CEP85L: variants seen among roughly 807,000 people sequenced by gnomAD.
CEP85L encodes the protein centrosomal protein of 85 kDa-like.
A neutral mutation model predicts 100.3 loss-of-function variants in CEP85L; 60 were observed. The ratio of observed to expected loss-of-function variants is 0.60; its 90% CI spans 0.49 to 0.74. The LOEUF (loss-of-function observed/expected upper bound fraction) is 0.74. Ranked by LOEUF, CEP85L falls within the 30% of genes least tolerant of loss-of-function variation. CEP85L has a pLI of 0.00. For synonymous variants in CEP85L, 319 were observed against 322.7 expected, an observed-to-expected ratio of 0.99 and a Z score of 0.12; for missense variants, 973 against 936.2, an observed-to-expected ratio of 1.04 and a Z score of -0.51.
intron 3 of CEP85L, among the ~76,000 whole-genome samples, chr6:118,563,411 T>C (rs1047102439): frequency 1.3e-5 from 2 of 152,212 alleles, no homozygotes; most frequent in Admixed American, 6.5e-5. Flanking sequence ...AGCTACAGAA[T>C]TCTATAACAT....
chr6:118,608,267 A>G lies in CEP85L; in HGVS notation c.232+24186T>C, dbSNP rs189762933. 2.6e-3 allele frequency among the ~76,000 whole-genome samples: 394 copies of G among 152,292 alleles called. 1 individual carries two copies. The highest frequency in any genetic ancestry group is 9.1e-3 in the African/African-American group (377 of 41,560). On this transcript the variant is annotated intron_variant, in intron 2 of 12. Coordinates refer to ENST00000368491, the MANE Select transcript of CEP85L (RefSeq NM_001042475.3). ...TCCCAGCACTTTAGGAGGCCGAGGC[A>G]GGCGGATCACGAGGTCAGGAGATCG...
chr6:118,578,615 GCTA>G (rs2115062268), intron 2 of CEP85L, among the ~76,000 whole-genome samples: 1 of 152,166 alleles, frequency 6.6e-6, no homozygotes, highest in Admixed American at 6.5e-5. Context: ...TGTAATCCCA[GCTA>G]CTCAGGAGGC....
At chr6:118,484,644 T>A (rs1419517732) in intron 6 of CEP85L, among the ~76,000 whole-genome samples, 1 of 152,220 alleles carries the variant, frequency 6.6e-6, no homozygotes, top group African/African-American at 2.4e-5. Flanking sequence ...AAAAAGCCTT[T>A]GAAATCAGTG....
chr6:118,570,475 C>G (rs573558353), intron 2 of CEP85L, among the ~76,000 whole-genome samples: 16 of 152,260 alleles, frequency 1.1e-4, no homozygotes, highest in African/African-American at 3.6e-4. Flanking sequence ...AAAGAAAAAT[C>G]AGCAATGAGT....
At chr6:118,696,684 G>T (rs1000337871) in intron 1 of CEP85L, among the ~76,000 whole-genome samples, 19 of 151,986 alleles carry the variant, frequency 1.3e-4, no homozygotes, top group Admixed American at 2.6e-4. Context: ...AGAGTTTTTT[G>T]TTGTTGTTGT....
chr6:118,496,135 G>C (rs759892325), intron 5 of CEP85L, among the ~76,000 whole-genome samples: 2 of 152,110 alleles, frequency 1.3e-5, no homozygotes, highest in Non-Finnish European at 2.9e-5. Context: ...TTCTGCATGT[G>C]ACTCCACACA....
chr6:118,600,930 T>A (rs1781753707), intron 2 of CEP85L, among the ~76,000 whole-genome samples: 1 of 152,186 alleles, frequency 6.6e-6, no homozygotes, highest in Admixed American at 6.5e-5. Context: ...TATATAGCTA[T>A]CTAATTAGTT....
At chr6:118,653,243 TTTCAATATCTATTACA>T, upstream of CEP85L, among the ~76,000 whole-genome samples, 1 of 152,328 alleles carries the variant, frequency 6.6e-6, no homozygotes, top group Non-Finnish European at 1.5e-5. Flanking sequence ...ATCTAAAATA[TTTCAATATCTATTACA>T]GAGTAAAAGC....
intron 2 of CEP85L, among the ~76,000 whole-genome samples, chr6:118,610,112 T>C (rs760599672): frequency 4.6e-5 from 7 of 152,164 alleles, no homozygotes; most frequent in Non-Finnish European, 1.0e-4. Context: ...TCACCACACA[T>C]AGAGTTACCT....
At chr6:118,496,356 T>TTTATTTTATTTTATTTTATTTTA (rs1774919525) in intron 5 of CEP85L, among the ~76,000 whole-genome samples, 4 of 139,460 alleles carry the variant, frequency 2.9e-5, no homozygotes, top group African/African-American at 8.1e-5. Flanking sequence ...TATTTTATAT[T>TTTATTTTATTTTATTTTATTTTA]TTTTATTTTA....
At chr6:118,534,386 C>T (rs1777466583) in intron 3 of CEP85L, among the ~76,000 whole-genome samples, 1 of 151,880 alleles carries the variant, frequency 6.6e-6, no homozygotes, top group Non-Finnish European at 1.5e-5. Context: ...GGTGCGGTGG[C>T]TCACACCTGT....
intron 2 of CEP85L, among the ~76,000 whole-genome samples, chr6:118,604,280 T>G (rs980636544): frequency 2.0e-5 from 3 of 152,192 alleles, no homozygotes; most frequent in Non-Finnish European, 4.4e-5. Context: ...AGATTAGTGC[T>G]CTAAGAAAAA....
rs568009700 is a variant in CEP85L at position 118,561,057 on chromosome 6, G to A, written c.1020+4472C>T. The stretch of plus-strand genomic sequence containing the variant: ...AAGTGTTGCTAACTCAATAGTGAAG[G>A]AGACACTATTAAATTTTCTGAACCC... On this transcript the variant is annotated intron_variant, in intron 3 of 12. Transcript: ENST00000368491. Among the ~76,000 whole-genome samples the A allele has an allele frequency of 1.6e-4, 25 of 152,294 alleles. No homozygotes were observed. In the South Asian group the frequency reaches 4.8e-3, roughly 29 times the overall value.
chr6:118,535,150 T>C (rs563934844), intron 3 of CEP85L, among the ~76,000 whole-genome samples: 27 of 152,270 alleles, frequency 1.8e-4, no homozygotes, highest in South Asian at 1.2e-3. Flanking sequence ...GTCTGTAAGA[T>C]AAACGGATAA....
chr6:118,562,049 A>T (rs1342190469), intron 3 of CEP85L, among the ~76,000 whole-genome samples: 1 of 152,220 alleles, frequency 6.6e-6, no homozygotes, highest in Non-Finnish European at 1.5e-5. Context: ...ACAGATGAAA[A>T]AAGTGAAACA....
chr6:118,553,662 T>G (rs954568160), intron 3 of CEP85L, among the ~76,000 whole-genome samples: 12 of 152,346 alleles, frequency 7.9e-5, no homozygotes, highest in African/African-American at 2.9e-4. Context: ...TACACCCAAT[T>G]TGTTTCCAGA....
At chr6:118,539,986 T>C (rs1027209125) in intron 3 of CEP85L, among the ~76,000 whole-genome samples, 2 of 151,858 alleles carry the variant, frequency 1.3e-5, no homozygotes, top group Non-Finnish European at 2.9e-5. Context: ...TTGAGTGGAG[T>C]TCAGACAGCT....
intron 2 of CEP85L, among the ~76,000 whole-genome samples, chr6:118,586,171 C>T (rs1309106949): frequency 6.6e-6 from 1 of 152,170 alleles, no homozygotes; most frequent in African/African-American, 2.4e-5. Flanking sequence ...CCAAGAGACA[C>T]ACCAGAAAAT....
intron 5 of CEP85L, among the ~76,000 whole-genome samples, chr6:118,499,876 T>G (rs1562202716): frequency 6.6e-6 from 1 of 151,762 alleles, no homozygotes; most frequent in Non-Finnish European, 1.5e-5. Flanking sequence ...ATACTGGAAG[T>G]GCTAACTAAT....
Sources: allele counts gnomAD v4.1 joint callset (sites outside exome capture counted in the v4.1 genomes callset), GRCh38; gene constraint gnomAD v4.1.1; transcripts MANE v1.5; gene names NCBI Gene and HGNC (gene_info 2026-07-23, HGNC 2026-07-21).